Variants in CSMD2 observed in about 807,000 individuals in gnomAD.
CSMD2 encodes the protein CUB and Sushi multiple domains 2, also known as CUB and sushi domain-containing protein 2.
CSMD2 carries 130 observed loss-of-function variants against 398.5 expected under a neutral mutation model. That is an observed-to-expected ratio of 0.33 (90% CI 0.28 to 0.38). The LOEUF (loss-of-function observed/expected upper bound fraction) is 0.38. Among genes scored for constraint, CSMD2 ranks in the 10% least tolerant of loss-of-function variants. CSMD2 has a pLI of 1.00. For missense variants in CSMD2, 3,829 were observed against 4,764.9 expected (o/e 0.80, Z 5.78); for synonymous variants, 1,828 against 1,908.5 (o/e 0.96, Z 1.10).
chr1:33,678,593 T>C (rs1644798991), intron 25 of CSMD2, among the ~76,000 whole-genome samples: 1 of 152,190 alleles, frequency 6.6e-6, no homozygotes, highest in Non-Finnish European at 1.5e-5. Context: ...CACATGAGAA[T>C]GCAGCTGCAA....
intron 6 of CSMD2, among the ~76,000 whole-genome samples, chr1:33,832,763 T>C (rs1468808414): frequency 6.7e-6 from 1 of 150,350 alleles, no homozygotes; most frequent in Non-Finnish European, 1.5e-5. Context: ...GCAAGACTAA[T>C]AAAGAAGAAA....
At chr1:33,937,339 GAGATTAGTA>G (rs2125330924) in intron 3 of CSMD2, among the ~76,000 whole-genome samples, 1 of 152,158 alleles carries the variant, frequency 6.6e-6, no homozygotes, top group East Asian at 1.9e-4. Context: ...AGAACCCTGG[GAGATTAGTA>G]AGACTTAGCT....
At chr1:33,738,863 C>T (rs982388667) in intron 15 of CSMD2, among the ~76,000 whole-genome samples, 7 of 152,260 alleles carry the variant, frequency 4.6e-5, no homozygotes, top group East Asian at 3.9e-4. Flanking sequence ...GCTGTGATAC[C>T]GAAGAGAGTT....
Position 34,045,038 on chromosome 1 carries a change from T to TACAC in CSMD2, c.405-12336_405-12333dup, listed in dbSNP as rs10588687. 7.1e-3 allele frequency among the ~76,000 whole-genome samples: 1,010 copies of TACAC among 142,808 alleles called. 5 individuals are homozygous for TACAC. The highest frequency in any genetic ancestry group is 0.033 in the East Asian group (160 of 4,910). 93.7% of individuals were successfully genotyped at this position (142,808 alleles called of 152,430 possible). A position where few individuals can be genotyped will look rare whatever the true frequency, so the allele number is the denominator to read the frequency against. On this transcript the variant is annotated intron_variant, in intron 2 of 70. Coordinates refer to ENST00000373381, the MANE Select transcript of CSMD2 (RefSeq NM_001281956.2). ...GGACATTAGTCATAATCACACACCA[T>TACAC]ACACACACACACACACACACACACA... is the stretch of plus-strand genomic sequence containing the variant.
chr1:33,615,590 A>G (rs1570952828), intron 39 of CSMD2, among the ~76,000 whole-genome samples: 1 of 152,196 alleles, frequency 6.6e-6, no homozygotes, highest in African/African-American at 2.4e-5. Context: ...GGAACTAGTG[A>G]CAGCACCCTT....
intron 3 of CSMD2, among the ~76,000 whole-genome samples, chr1:33,966,405 C>T (rs923311834): frequency 1.3e-5 from 2 of 152,206 alleles, no homozygotes; most frequent in African/African-American, 4.8e-5. Context: ...ATGGGAATCA[C>T]ATGTGCCAGG....
Position 33,635,330 on chromosome 1 carries a change from G to A in CSMD2, c.4970C>T (p.Ala1657Val). The A allele has an allele frequency of 6.3e-7, 1 of 1,587,680 alleles. No homozygotes were observed. Among genetic ancestry groups the A allele is most frequent in the Non-Finnish European group, 8.6e-7 (1 of 1,156,984 alleles). ...VWNNPRPVCT[A>V]PCGGQYVGSD... ...ACCCACATACTGTCCCCCACAGGGG[G>A]CTGAAAGAGAAACCAGATAGAGAGT... The change falls in exon 31 of 71, where the codon GCC becomes GTC. Residue 1657 changes from alanine to valine, a missense_variant and splice_region_variant. Physicochemically the swap from Ala to Val is moderately conservative, Grantham distance 64 (BLOSUM62 0). Around this residue, in one of 5 missense-constraint regions of CSMD2, gnomAD observed 2,001 missense variants for 2,567.1 expected, o/e 0.78. Transcript: ENST00000373381. The surrounding 1 kb of genome is among the most constrained non-coding windows in gnomAD (Gnocchi z 5.0).
intron 13 of CSMD2, among the ~76,000 whole-genome samples, chr1:33,746,445 T>C (rs1463847064): frequency 1.3e-5 from 2 of 152,174 alleles, no homozygotes; most frequent in Non-Finnish European, 2.9e-5. Flanking sequence ...GACTATTTAA[T>C]TAATAAGGCC....
chr1:34,028,494 C>T (rs58801364), intron 3 of CSMD2, among the ~76,000 whole-genome samples: 1 of 152,118 alleles, frequency 6.6e-6, no homozygotes, highest in Non-Finnish European at 1.5e-5. Context: ...CATGGATGAC[C>T]CACACCAGCC....
chr1:33,865,520 G>A (rs138636025), intron 5 of CSMD2, among the ~76,000 whole-genome samples: 249 of 151,930 alleles, frequency 1.6e-3, no homozygotes, highest in African/African-American at 5.7e-3. Flanking sequence ...ACTCCCTTTC[G>A]TGACCAAGGC....
At chr1:33,854,998 T>C (rs1638973690) in intron 5 of CSMD2, among the ~76,000 whole-genome samples, 1 of 152,106 alleles carries the variant, frequency 6.6e-6, no homozygotes, top group African/African-American at 2.4e-5. Flanking sequence ...AGCTGATGGG[T>C]AAGGTGTTTC....
At chr1:33,589,154 G>A (rs1273862772) in intron 44 of CSMD2, among the ~76,000 whole-genome samples, 1 of 152,162 alleles carries the variant, frequency 6.6e-6, no homozygotes, top group African/African-American at 2.4e-5. Flanking sequence ...GTAACCAAGT[G>A]GGTTTACCTT....
intron 53 of CSMD2, among the ~76,000 whole-genome samples, chr1:33,560,456 T>G (rs1490802424): frequency 6.6e-6 from 1 of 152,234 alleles, no homozygotes; most frequent in Non-Finnish European, 1.5e-5. Flanking sequence ...CTCACTCTAT[T>G]TGGCTGCACT....
intron 2 of CSMD2, among the ~76,000 whole-genome samples, chr1:34,058,466 C>T (rs976137246): frequency 6.6e-6 from 1 of 152,140 alleles, no homozygotes; most frequent in African/African-American, 2.4e-5. Flanking sequence ...GATAAATAAA[C>T]CAAGACCTAC....
At chr1:34,057,671 C>T (rs910655403) in intron 2 of CSMD2, among the ~76,000 whole-genome samples, 1 of 152,170 alleles carries the variant, frequency 6.6e-6, no homozygotes, top group African/African-American at 2.4e-5. Flanking sequence ...AGCCCCCTCG[C>T]TTGTTTGTCC....
At chr1:33,983,599 C>T (rs896547859) in intron 3 of CSMD2, among the ~76,000 whole-genome samples, 1 of 152,010 alleles carries the variant, frequency 6.6e-6, no homozygotes, top group Non-Finnish European at 1.5e-5. Flanking sequence ...AAGGATGTCT[C>T]GGTGGTCAAG....
At chr1:34,150,892 C>T (rs936304154) in intron 1 of CSMD2, among the ~76,000 whole-genome samples, 3 of 152,068 alleles carry the variant, frequency 2.0e-5, no homozygotes, top group Middle Eastern at 3.2e-3. Flanking sequence ...TGCACTCCAG[C>T]CTGGGTGACA....
At chr1:34,136,459 C>T (rs1638761737) in intron 1 of CSMD2, among the ~76,000 whole-genome samples, 1 of 152,182 alleles carries the variant, frequency 6.6e-6, no homozygotes, top group Non-Finnish European at 1.5e-5. Flanking sequence ...GATCAGAGAT[C>T]ATGAAGACAG....
chr1:33,523,921 T>C (rs984026438), intron 66 of CSMD2, among the ~76,000 whole-genome samples: 2 of 152,350 alleles, frequency 1.3e-5, no homozygotes, highest in South Asian at 2.1e-4. Flanking sequence ...CACATTTGCT[T>C]ATCTATCCAT....
Sources: allele counts gnomAD v4.1 joint callset (sites outside exome capture counted in the v4.1 genomes callset), GRCh38; gene constraint gnomAD v4.1.1; regional missense constraint gnomAD v4.1.1; non-coding constraint Gnocchi (gnomAD v3.1); transcripts MANE v1.5; gene names NCBI Gene and HGNC (gene_info 2026-07-23, HGNC 2026-07-21).